Variants in MAGI3 observed in about 807,000 individuals in gnomAD.
MAGI3 encodes membrane associated guanylate kinase, WW and PDZ domain containing 3, also known as membrane-associated guanylate kinase, WW and PDZ domain-containing protein 3.
In MAGI3, 43 loss-of-function variants were observed where a neutral mutation model predicts 121.8. That is an observed-to-expected ratio of 0.35 (90% CI 0.28 to 0.46). The LOEUF (loss-of-function observed/expected upper bound fraction) is 0.46, where lower values mean the gene tolerates loss of function less well. MAGI3 is among the 20% of genes least tolerant of loss of function. The pLI is 1.00. For synonymous variants in MAGI3, 553 were observed against 639.3 expected, an observed-to-expected ratio of 0.86 and a Z score of 2.04; for missense variants, 1,547 against 1,797.3, an observed-to-expected ratio of 0.86 and a Z score of 2.52.
intron 1 of MAGI3, among the ~76,000 whole-genome samples, chr1:113,418,042 C>A (rs937964435): frequency 6.6e-6 from 1 of 151,958 alleles, no homozygotes; most frequent in Non-Finnish European, 1.5e-5. Context: ...TGGGCTTTTT[C>A]GACCTAAGAC....
chr1:113,653,639 G>A (rs1037250169), intron 14 of MAGI3, among the ~76,000 whole-genome samples, 191 bp from the exon 15 acceptor site: 1 of 152,054 alleles, frequency 6.6e-6, no homozygotes, highest in African/African-American at 2.4e-5. Flanking sequence ...TGAGTATTTG[G>A]GAAGTCGGAT....
intron 1 of MAGI3, among the ~76,000 whole-genome samples, chr1:113,493,643 A>G (rs899175421): frequency 6.6e-6 from 1 of 152,216 alleles, no homozygotes; most frequent in Non-Finnish European, 1.5e-5. Flanking sequence ...TCAAAGGTCA[A>G]ATATCTAGCA....
At chr1:113,556,979 A>G (rs1214532419) in intron 2 of MAGI3, among the ~76,000 whole-genome samples, 1 of 152,232 alleles carries the variant, frequency 6.6e-6, no homozygotes, top group East Asian at 1.9e-4. Flanking sequence ...GAAATAGGTG[A>G]GCTGAAAAAT....
chr1:113,448,098 C>T lies in MAGI3; in HGVS notation c.316+56749C>T, dbSNP rs556203822. On this transcript the variant is annotated intron_variant, in intron 1 of 20. Transcript: ENST00000307546. ...TAATGCTTTTAATTATTTTCTTTAACCCGTCTTAGAGCCAAGAAGCTTCTT... is the reference window on the plus strand; with the variant it reads ...TAATGCTTTTAATTATTTTCTTTAATCCGTCTTAGAGCCAAGAAGCTTCTT... Among the ~76,000 whole-genome samples, 3 of 152,182 alleles carry T rather than the reference C, an allele frequency of 2.0e-5. No homozygotes were observed. In the South Asian group the frequency reaches 6.2e-4, roughly 32 times the overall value.
intron 9 of MAGI3, among the ~76,000 whole-genome samples, chr1:113,641,641 A>G (rs1466561286): frequency 6.6e-6 from 1 of 151,986 alleles, no homozygotes; most frequent in Non-Finnish European, 1.5e-5. Context: ...AATATAAATT[A>G]TCAGGGTTTT....
intron 1 of MAGI3, among the ~76,000 whole-genome samples, chr1:113,424,662 G>A (rs1652908341): frequency 6.6e-6 from 1 of 152,074 alleles, no homozygotes; most frequent in South Asian, 2.1e-4. Flanking sequence ...TAGTATTTTT[G>A]TTTAACATTC....
At chr1:113,580,807 G>A in intron 3 of MAGI3, 146 bp downstream of exon 3, 2 of 571,246 alleles carry the variant, frequency 3.5e-6, no homozygotes, top group Non-Finnish European at 5.5e-6. Context: ...TTGATGGGGA[G>A]ATTTGTAATT....
At position 113,585,436 on chromosome 1, in the gene MAGI3, G is replaced by T; in HGVS notation, c.603G>T (p.Gln201His). 2 of 1,614,054 alleles carry T rather than the reference G, an allele frequency of 1.2e-6. No homozygotes were observed. The highest frequency in any genetic ancestry group is 1.7e-6 in the Non-Finnish European group (2 of 1,179,978). The change falls in exon 4 of 21, where the codon CAG (glutamine) becomes CAT (histidine). Residue 201 changes from glutamine to histidine, a missense_variant. By Grantham distance (24) the Gln-to-His change is conservative. Coordinates refer to ENST00000307546, the MANE Select transcript of MAGI3 (RefSeq NM_001142782.2). ...PKPPAEPSPF[Q>H]PDPVDQVLFD... The stretch of plus-strand genomic sequence containing the variant: ...CTCCAGCAGAACCCAGCCCTTTTCA[G>T]CCAGATCCAGTTGATCAAGTCCTCT...
intron 15 of MAGI3, among the ~76,000 whole-genome samples, chr1:113,656,170 A>G (rs1653460251): frequency 6.6e-6 from 1 of 152,192 alleles, no homozygotes; most frequent in African/African-American, 2.4e-5. Context: ...ACCAGAATTG[A>G]TAATTTCACT....
At chr1:113,660,533 T>C (rs1401573098) in intron 16 of MAGI3, among the ~76,000 whole-genome samples, 1 of 151,888 alleles carries the variant, frequency 6.6e-6, no homozygotes, top group African/African-American at 2.4e-5. Context: ...GACATCATTC[T>C]TACATAACCA....
intron 1 of MAGI3, among the ~76,000 whole-genome samples, chr1:113,441,997 G>A (rs1225960466): frequency 3.9e-5 from 6 of 151,974 alleles, no homozygotes; most frequent in South Asian, 2.1e-4. Flanking sequence ...TTTACAAATC[G>A]AATAATTGTT....
At position 113,671,765 on chromosome 1, in the gene MAGI3, A is replaced by C; in HGVS notation, c.2847A>C (p.Ser949=). Residue 949 remains serine (S), a synonymous_variant, in exon 17 of 21, where the codon TCA becomes TCC. Transcript: ENST00000307546. ...EHHGPPSGTN[S]ARQSPALQHR... ...ATGGTCCACCATCAGGAACAAACTC[A>C]GCCAGGCAAAGCCCAGCCCTGCAGC... The C allele has an allele frequency of 6.2e-7, 1 of 1,614,216 alleles. No individual in the cohort carries two copies. The highest frequency in any genetic ancestry group is 8.5e-7 in the Non-Finnish European group (1 of 1,180,024).
At chr1:113,644,528 G>A (rs905365427) in intron 11 of MAGI3, among the ~76,000 whole-genome samples, 2 of 152,050 alleles carry the variant, frequency 1.3e-5, no homozygotes, top group South Asian at 2.1e-4. Flanking sequence ...TGATCTGCCC[G>A]CCTCGGCCTC....
chr1:113,585,318 C>A, intron 3 of MAGI3, 69 bp from the exon 4 acceptor site: 1 of 1,421,302 alleles, frequency 7.0e-7, no homozygotes, highest in Non-Finnish European at 9.9e-7. Flanking sequence ...CAGAGACATA[C>A]ACTAGGTCAA....
At chr1:113,478,554 G>A (rs534444843) in intron 1 of MAGI3, among the ~76,000 whole-genome samples, 15 of 152,288 alleles carry the variant, frequency 9.8e-5, no homozygotes, top group Admixed American at 7.8e-4. Context: ...TATCACCAGC[G>A]GAGGCTGTAG....
chr1:113,539,874 G>T (rs763778502), intron 1 of MAGI3, among the ~76,000 whole-genome samples: 1 of 149,678 alleles, frequency 6.7e-6, no homozygotes, highest in South Asian at 2.1e-4. Flanking sequence ...CTGTAGCTTC[G>T]ACCTCCCTGG....
chr1:113,660,201 G>T (rs748890827), intron 16 of MAGI3, among the ~76,000 whole-genome samples: 8 of 152,136 alleles, frequency 5.3e-5, no homozygotes, highest in Non-Finnish European at 7.4e-5. Context: ...TGACTTCACT[G>T]CTCCCTTAGG....
intron 1 of MAGI3, among the ~76,000 whole-genome samples, chr1:113,443,176 A>T (rs1413010985): frequency 6.6e-6 from 1 of 152,186 alleles, no homozygotes; most frequent in African/African-American, 2.4e-5. Flanking sequence ...TAATTCACAC[A>T]TAATTTTACA....
chr1:113,639,902 G>A (rs753529374), intron 9 of MAGI3, among the ~76,000 whole-genome samples: 14 of 151,840 alleles, frequency 9.2e-5, no homozygotes, highest in Non-Finnish European at 2.1e-4. Context: ...ATGGGGTTTC[G>A]CCATGTTAGC....
Sources: allele counts gnomAD v4.1 joint callset (sites outside exome capture counted in the v4.1 genomes callset), GRCh38; gene constraint gnomAD v4.1.1; transcripts MANE v1.5; gene names NCBI Gene and HGNC (gene_info 2026-07-23, HGNC 2026-07-21).